NT5DC1: variants seen among roughly 807,000 people sequenced by gnomAD.
NT5DC1 encodes the protein 5'-nucleotidase domain-containing protein 1.
In NT5DC1, 42 loss-of-function variants were observed where a neutral mutation model predicts 59.4. The ratio of observed to expected loss-of-function variants is 0.71; its 90% CI spans 0.55 to 0.92. NT5DC1 has a LOEUF of 0.92. Ranked by LOEUF, NT5DC1 falls within the 40% of genes least tolerant of loss-of-function variation. The probability of loss-of-function intolerance (pLI) is 0.00; values close to 1 mark genes in which losing one functional copy is unlikely to be tolerated. For synonymous variants in NT5DC1, 172 were observed against 188.1 expected, an observed-to-expected ratio of 0.91 and a Z score of 0.70; for missense variants, 501 against 537.1, an observed-to-expected ratio of 0.93 and a Z score of 0.66.
At chr6:116,121,576 T>G in intron 6 of NT5DC1, 1 of 1,614,056 alleles carries the variant, frequency 6.2e-7, no homozygotes, top group Admixed American at 1.7e-5. Context: ...TACCAGGGAC[T>G]CCTGGTGCAC....
At chr6:116,242,827 C>T (rs946449014) in intron 11 of NT5DC1, among the ~76,000 whole-genome samples, 4 of 152,130 alleles carry the variant, frequency 2.6e-5, no homozygotes, top group African/African-American at 9.7e-5. Flanking sequence ...GTTCTCTGAC[C>T]CTTCCTTTAC....
At chr6:116,162,954 C>T (rs1255677730) in intron 6 of NT5DC1, among the ~76,000 whole-genome samples, 6 of 151,540 alleles carry the variant, frequency 4.0e-5, no homozygotes, top group African/African-American at 1.5e-4. Flanking sequence ...GGTGAAACCC[C>T]GTCTCTACTA....
chr6:116,110,321 GT>G (rs1449497618), intron 3 of NT5DC1, among the ~76,000 whole-genome samples: 1 of 152,138 alleles, frequency 6.6e-6, no homozygotes, highest in Non-Finnish European at 1.5e-5. Context: ...TCCCTATTTG[GT>G]TTTAGCCATG....
rs371283488 is a variant in NT5DC1 at position 116,196,482 on chromosome 6, G to A, written c.530-24572G>A. Among the ~76,000 whole-genome samples the A allele has an allele frequency of 1.3e-4, 20 of 151,330 alleles. No individual in the cohort carries two copies. In the East Asian group the frequency reaches 3.3e-3, roughly 25 times the overall value. On this transcript the variant is annotated intron_variant, in intron 6 of 11. Transcript: ENST00000319550. ...ATTATTAGTGATTAGTTTGATCTAG[G>A]GAAAAAAAAGTTTTCTCTTTGCCAT...
intron 6 of NT5DC1, among the ~76,000 whole-genome samples, chr6:116,175,665 C>G (rs1780718359): frequency 6.6e-6 from 1 of 152,114 alleles, no homozygotes; most frequent in African/African-American, 2.4e-5. Flanking sequence ...GACTACTGTT[C>G]AAGTTCAGTG....
At chr6:116,202,041 A>G (rs1309896266) in intron 6 of NT5DC1, among the ~76,000 whole-genome samples, 1 of 152,004 alleles carries the variant, frequency 6.6e-6, no homozygotes, top group Non-Finnish European at 1.5e-5. Context: ...CCAGTGTGGT[A>G]GCCATTAACC....
Position 116,162,228 on chromosome 6 carries a change from A to G in NT5DC1, c.529+44283A>G, listed in dbSNP as rs1398457048. Among the ~76,000 whole-genome samples, 5 of 152,166 alleles carry G rather than the reference A, an allele frequency of 3.3e-5. No homozygotes were observed. The East Asian group carries it at 7.7e-4, about 23-fold the overall frequency. ...AAGATTATGTCCTCAGTGAATAGAG[A>G]TAATTTGACTTCCACTTTTCCGATT... is the stretch of plus-strand genomic sequence containing the variant. On this transcript the variant is annotated intron_variant, in intron 6 of 11. Transcript: ENST00000319550.
intron 6 of NT5DC1, chr6:116,121,834 T>A: frequency 6.2e-7 from 1 of 1,613,950 alleles, no homozygotes; most frequent in Non-Finnish European, 8.5e-7. Flanking sequence ...CTGGCAACCC[T>A]GGCTCTCCTT....
chr6:116,133,038 G>A (rs752271231), intron 6 of NT5DC1, among the ~76,000 whole-genome samples: 1 of 152,144 alleles, frequency 6.6e-6, no homozygotes, highest in Non-Finnish European at 1.5e-5. Flanking sequence ...GTCAGATCAG[G>A]TCAAGAAAAA....
At chr6:116,134,010 T>C (rs1322252867) in intron 6 of NT5DC1, among the ~76,000 whole-genome samples, 5 of 152,232 alleles carry the variant, frequency 3.3e-5, no homozygotes, top group Non-Finnish European at 5.9e-5. Context: ...TTGCCACTTA[T>C]GATGCTAATC....
intron 1 of NT5DC1, among the ~76,000 whole-genome samples, chr6:116,104,005 C>T (rs1481506416): frequency 6.6e-6 from 1 of 152,096 alleles, no homozygotes; most frequent in Non-Finnish European, 1.5e-5. Flanking sequence ...GCATATGGAC[C>T]ACAGGGTACC....
intron 11 of NT5DC1, among the ~76,000 whole-genome samples, chr6:116,243,226 T>A (rs577487932): frequency 6.6e-6 from 1 of 152,324 alleles, no homozygotes; most frequent in Non-Finnish European, 1.5e-5. Context: ...GTAACCCTCA[T>A]CCTGTGACTA....
At chr6:116,208,009 A>G (rs1369208119) in intron 6 of NT5DC1, among the ~76,000 whole-genome samples, 1 of 152,090 alleles carries the variant, frequency 6.6e-6, no homozygotes, top group East Asian at 1.9e-4. Flanking sequence ...TAGAAGAAAC[A>G]CAGTGAAAGT....
chr6:116,106,047 T>A (rs1415732196), intron 1 of NT5DC1, among the ~76,000 whole-genome samples, 197 bp from the exon 2 acceptor site: 1 of 152,236 alleles, frequency 6.6e-6, no homozygotes, highest in Non-Finnish European at 1.5e-5. Context: ...TAATTTTGAA[T>A]GGGACAGCTA....
At chr6:116,217,974 A>G (rs900033635) in intron 6 of NT5DC1, among the ~76,000 whole-genome samples, 1 of 152,166 alleles carries the variant, frequency 6.6e-6, no homozygotes, top group African/African-American at 2.4e-5. Flanking sequence ...TATTTTCTCC[A>G]TGACAGTGAT....
At position 116,229,490 on chromosome 6, in the gene NT5DC1, G is replaced by A. The variant is rs187193125; in HGVS notation, c.802+6359G>A. Among the ~76,000 whole-genome samples the A allele has an allele frequency of 3.3e-3, 500 of 152,276 alleles. 9 individuals carry two copies. Among genetic ancestry groups the A allele is most frequent in the Non-Finnish European group, 1.0e-3 (71 of 68,018 alleles). ...CAGGGGCAAAGATGCTGATGCCAGTGTCAGTCAGGACTGAGCTCCTCCCTC... is the reference window on the plus strand; with the variant it reads ...CAGGGGCAAAGATGCTGATGCCAGTATCAGTCAGGACTGAGCTCCTCCCTC... On this transcript the variant is annotated intron_variant, in intron 8 of 11. Coordinates refer to ENST00000319550, the MANE Select transcript of NT5DC1 (RefSeq NM_152729.3).
At chr6:116,162,846 C>A (rs778504371) in intron 6 of NT5DC1, among the ~76,000 whole-genome samples, 1 of 151,892 alleles carries the variant, frequency 6.6e-6, no homozygotes, top group African/African-American at 2.4e-5. Flanking sequence ...ATTTTTAGGC[C>A]GGGCACAGTG....
At chr6:116,223,315 A>G (rs1248724319) in intron 8 of NT5DC1, among the ~76,000 whole-genome samples, 184 bp downstream of exon 8, 2 of 152,234 alleles carry the variant, frequency 1.3e-5, no homozygotes, top group African/African-American at 4.8e-5. Flanking sequence ...TTTGCATGTC[A>G]GTCTCTCCCC....
In NT5DC1 at chr6:116,142,985, A is replaced by G. The variant is rs1399849825; in HGVS notation, c.529+25040A>G. Among the ~76,000 whole-genome samples, 12 of 152,292 alleles carry G rather than the reference A, an allele frequency of 7.9e-5. No homozygotes were observed. In the South Asian group the frequency reaches 2.3e-3, roughly 29 times the overall value. ...CATGGTGGGAAAATTTGATGGATAA[A>G]ATTATAGACATTATGGTTTGTGTCT... On this transcript the variant is annotated intron_variant, in intron 6 of 11. Transcript: ENST00000319550.
Sources: gnomAD v4.1 joint callset for allele counts (sites outside exome capture counted in the v4.1 genomes callset) on GRCh38, gnomAD v4.1.1 for gene constraint, MANE v1.5 for transcripts, NCBI Gene and HGNC (gene_info 2026-07-23, HGNC 2026-07-21) for gene names.